The following UNC13C variants were observed in gnomAD, a reference collection of about 807,000 sequenced individuals.
UNC13C encodes unc-13 homolog C, also known as protein unc-13 homolog C.
In UNC13C, 174 loss-of-function variants were observed where a neutral mutation model predicts 245.4. That is an observed-to-expected ratio of 0.71 (90% CI 0.63 to 0.80). The LOEUF (loss-of-function observed/expected upper bound fraction) is 0.80, where lower values mean the gene tolerates loss of function less well. Among genes scored for constraint, UNC13C ranks in the 30% least tolerant of loss-of-function variants. The pLI is 0.00. For synonymous variants in UNC13C, 992 were observed against 895.1 expected (o/e 1.11, Z -1.93); for missense variants, 2,829 against 2,602.9 (o/e 1.09, Z -1.89).
intron 30 of UNC13C, among the ~76,000 whole-genome samples, chr15:54,583,518 G>T (rs1013131355): frequency 1.4e-4 from 21 of 152,044 alleles, no homozygotes; most frequent in Non-Finnish European, 2.4e-4. Context: ...ACATATAATA[G>T]AAGAACCTAG....
At chr15:53,911,519 C>T in the UNC13C span, 5 of 152,174 alleles carry the variant, frequency 3.3e-5, no homozygotes, top group Non-Finnish European at 7.3e-5. Context: ...GGTAAACAGT[C>T]TGGCAGCGTC....
chr15:54,597,828 CTAA>C (rs1899182830), intron 30 of UNC13C, among the ~76,000 whole-genome samples: 1 of 152,104 alleles, frequency 6.6e-6, no homozygotes, highest in South Asian at 2.1e-4. Flanking sequence ...TCATATCCAG[CTAA>C]TAATATAAAC....
chr15:54,441,648 G>T (rs774076456), intron 19 of UNC13C, among the ~76,000 whole-genome samples: 7 of 151,682 alleles, frequency 4.6e-5, no homozygotes, highest in Non-Finnish European at 8.8e-5. Context: ...TTTGTTTTTT[G>T]ATCTGAATTT....
At chr15:53,841,896 T>C in the UNC13C span, among the ~76,000 whole-genome samples, 1 of 152,196 alleles carries the variant, frequency 6.6e-6, no homozygotes, top group African/African-American at 2.4e-5. Flanking sequence ...CACAGAAGGT[T>C]ACTACTTCTT....
chr15:54,264,422 G>T, intron 9 of UNC13C, 27 bp downstream of exon 9: 1 of 1,519,266 alleles, frequency 6.6e-7, no homozygotes, highest in Non-Finnish European at 8.9e-7. Context: ...TTAAAAATTT[G>T]TATTGTAAAT....
chr15:54,191,361 C>G (rs1238407983), intron 4 of UNC13C, among the ~76,000 whole-genome samples: 1 of 152,080 alleles, frequency 6.6e-6, no homozygotes, highest in African/African-American at 2.4e-5. Context: ...TCATCCATGT[C>G]CCTGTAAAGG....
Position 54,399,419 on chromosome 15 carries a change from T to C in UNC13C, c.4847+6238T>C, listed in dbSNP as rs557724524. Among the ~76,000 whole-genome samples the C allele has an allele frequency of 7.8e-4, 118 of 151,940 alleles. 3 individuals are homozygous for C. The South Asian group carries it at 0.024, about 31-fold the overall frequency. On this transcript the variant is annotated intron_variant, in intron 18 of 32. Coordinates refer to ENST00000260323, the MANE Select transcript of UNC13C (RefSeq NM_001080534.3). The stretch of plus-strand genomic sequence containing the variant: ...TTTCTAAATATTCATAAAATTTTAC[T>C]CATTTTACTTAAACTGTCATGACTT...
intron 4 of UNC13C, among the ~76,000 whole-genome samples, chr15:54,166,770 T>A (rs1198873985): frequency 1.3e-5 from 2 of 152,176 alleles, no homozygotes; most frequent in South Asian, 4.1e-4. Flanking sequence ...TATGTAGGAA[T>A]AAATTTTAAA....
chr15:54,009,116 C>T (rs1177567439), intron 1 of UNC13C, among the ~76,000 whole-genome samples: 1 of 152,134 alleles, frequency 6.6e-6, no homozygotes, highest in Non-Finnish European at 1.5e-5. Flanking sequence ...GATTGTATCA[C>T]ACACACATAC....
At chr15:54,553,817 A>G (rs1285628599) in intron 28 of UNC13C, among the ~76,000 whole-genome samples, 2 of 150,606 alleles carry the variant, frequency 1.3e-5, no homozygotes, top group Non-Finnish European at 3.0e-5. Context: ...TAATGTGACC[A>G]CATTGTTAAA....
Position 54,371,510 on chromosome 15 carries a change from G to A in UNC13C, c.4714-21538G>A, listed in dbSNP as rs115143870. Among the ~76,000 whole-genome samples the A allele has an allele frequency of 4.1e-3, 618 of 152,176 alleles. 4 individuals are homozygous for A. Among genetic ancestry groups the A allele is most frequent in the African/African-American group, 0.014 (582 of 41,534 alleles). Reference sequence around the variant, plus strand: ...TCAAGACTTTTTTGAATGGCCTGAGGCTTAGCAGCAGTTCTTAGTTCAGTA... The same window carrying A: ...TCAAGACTTTTTTGAATGGCCTGAGACTTAGCAGCAGTTCTTAGTTCAGTA... On this transcript the variant is annotated intron_variant, in intron 17 of 32. Transcript: ENST00000260323.
chr15:54,386,290 C>A (rs1567231240), intron 17 of UNC13C, among the ~76,000 whole-genome samples: 1 of 152,016 alleles, frequency 6.6e-6, no homozygotes, highest in Non-Finnish European at 1.5e-5. Flanking sequence ...GAAGAACATC[C>A]AAGTGAGAAT....
At chr15:54,325,210 G>C (rs949610839) in intron 14 of UNC13C, among the ~76,000 whole-genome samples, 4 of 151,858 alleles carry the variant, frequency 2.6e-5, no homozygotes, top group African/African-American at 9.7e-5. Context: ...AATGAAAAAA[G>C]TATGCTAAAA....
intron 4 of UNC13C, among the ~76,000 whole-genome samples, chr15:54,231,837 A>G (rs1022659387): frequency 2.0e-5 from 3 of 152,036 alleles, no homozygotes; most frequent in Admixed American, 2.0e-4. Context: ...CTTCTTGTTC[A>G]TCAAGTCTAG....
chr15:54,572,635 A>C (rs2141224865), intron 30 of UNC13C, among the ~76,000 whole-genome samples: 1 of 152,042 alleles, frequency 6.6e-6, no homozygotes, highest in African/African-American at 2.4e-5. Context: ...CATGTTGGCC[A>C]GGCTGGTCTC....
At chr15:53,882,050 T>C in the UNC13C span, among the ~76,000 whole-genome samples, 1 of 152,146 alleles carries the variant, frequency 6.6e-6, no homozygotes, top group Non-Finnish European at 1.5e-5. Context: ...ACGTGCATGA[T>C]TGTGAGAAAT....
chr15:53,987,514 ACATGAAAGACAGG>A (rs1838961955), intron 1 of UNC13C, among the ~76,000 whole-genome samples: 1 of 150,500 alleles, frequency 6.6e-6, no homozygotes, highest in Non-Finnish European at 1.5e-5. Flanking sequence ...TCAGTTCTAA[ACATGAAAGACAGG>A]CTTTTTGTTG....
chr15:54,436,918 GA>G (rs1217751095), intron 19 of UNC13C, among the ~76,000 whole-genome samples: 3 of 151,834 alleles, frequency 2.0e-5, no homozygotes, highest in Non-Finnish European at 2.9e-5. Context: ...ATTTTTTAAT[GA>G]AAAAATTATA....
At chr15:54,436,001 C>G (rs1298900897) in intron 19 of UNC13C, among the ~76,000 whole-genome samples, 5 of 151,912 alleles carry the variant, frequency 3.3e-5, no homozygotes, top group African/African-American at 1.2e-4. Flanking sequence ...CATCACTGGT[C>G]ATTAAAGAAA....
Sources: allele counts gnomAD v4.1 joint callset (sites outside exome capture counted in the v4.1 genomes callset), GRCh38; gene constraint gnomAD v4.1.1; transcripts MANE v1.5; gene names NCBI Gene and HGNC (gene_info 2026-07-23, HGNC 2026-07-21).